Variants in CLASRP observed in about 807,000 individuals in gnomAD.
CLASRP encodes the protein CLK4-associating serine/arginine rich protein.
CLASRP carries 52 observed loss-of-function variants against 99.9 expected under a neutral mutation model. That is an observed-to-expected ratio of 0.52 (90% CI 0.42 to 0.66). CLASRP has a LOEUF of 0.66. Ranked by LOEUF, CLASRP falls within the 30% of genes least tolerant of loss-of-function variation. The probability of loss-of-function intolerance (pLI) is 0.00; values close to 1 mark genes in which losing one functional copy is unlikely to be tolerated. For missense variants in CLASRP, 848 were observed against 999.2 expected (o/e 0.85, Z 2.04); for synonymous variants, 379 against 373.0 (o/e 1.02, Z -0.18).
chr19:45,067,160 G>C lies in CLASRP; in HGVS notation c.1410-177G>C, dbSNP rs183924265. Among the ~76,000 whole-genome samples the C allele has an allele frequency of 6.6e-4, 100 of 152,332 alleles. 1 individual carries two copies. Among genetic ancestry groups the C allele is most frequent in the Admixed American group, 6.5e-3 (100 of 15,306 alleles). ...TATCTAGAGCGCCATCTCTGTAGCC[G>C]GAGGGAGGCCGGAATGCCGCTCTGG... On this transcript the variant is annotated intron_variant, in intron 13 of 20. Transcript: ENST00000221455. The surrounding 1 kb of genome is among the most constrained non-coding windows in gnomAD (Gnocchi z 4.9).
intron 18 of CLASRP, 139 bp from the exon 19 acceptor site, chr19:45,069,883 T>C: frequency 1.7e-6 from 1 of 601,562 alleles, no homozygotes; most frequent in South Asian, 2.0e-5. Context: ...TGGGGCTCCC[T>C]TTCCAAGCGG....
chr19:45,070,879 TGGG>T lies in CLASRP; in HGVS notation c.*35_*37del. 1 of 777,112 alleles carries T rather than the reference TGGG, an allele frequency of 1.3e-6. No homozygotes were observed. Among genetic ancestry groups the T allele is most frequent in the Non-Finnish European group, 2.1e-6 (1 of 476,070 alleles). 48.1% of individuals were successfully genotyped at this position (777,112 alleles called of 1,614,324 possible). A position where few individuals can be genotyped will look rare whatever the true frequency, so the allele number is the denominator to read the frequency against. On this transcript the variant is annotated 3_prime_UTR_variant, in exon 21 of 21. Coordinates refer to ENST00000221455, the MANE Select transcript of CLASRP (RefSeq NM_007056.3). ...GTGGGGGGTGGGGAGGACAAGGGGGTGGGTAAGGGGCTCAAGCTGTGATGCTGC... is the reference window on the plus strand; with the variant it reads ...GTGGGGGGTGGGGAGGACAAGGGGGTTAAGGGGCTCAAGCTGTGATGCTGC...
chr19:45,069,734 C>T (rs1967190083), intron 18 of CLASRP: 1 of 475,460 alleles, frequency 2.1e-6, no homozygotes, highest in Non-Finnish European at 3.8e-6. Context: ...TGACGGAGAC[C>T]ATTTCAACAC....
intron 4 of CLASRP, 53 bp from the exon 5 acceptor site, chr19:45,053,045 G>C (rs974836244): frequency 1.3e-6 from 2 of 1,580,570 alleles, no homozygotes; most frequent in South Asian, 2.2e-5. Context: ...CTGCTGGCTT[G>C]GGGGGGGATC....
chr19:45,056,413 C>T (rs1972120138), intron 5 of CLASRP, 37 bp from the exon 6 acceptor site: 1 of 1,597,120 alleles, frequency 6.3e-7, no homozygotes, highest in East Asian at 2.2e-5. Flanking sequence ...CTAGTGTCCC[C>T]AACCCACTCT....
rs1046468184 is a variant in CLASRP at position 45,070,539 on chromosome 19, C to T, written c.1960C>T (p.Arg654Ter). 6.2e-7 allele frequency: 1 copy of T among 1,613,850 alleles called. No homozygotes were observed. Among genetic ancestry groups the T allele is most frequent in the Non-Finnish European group, 8.5e-7 (1 of 1,179,778 alleles). ...QSRSPSPRYS[R>*]EYSSSRRRSR... The stretch of plus-strand genomic sequence containing the variant: ...TTCACCTGTTGTTTTCTTTCCAGGT[C>T]GAGAATACAGCTCTTCTCGAAGGTA... Residue 654 changes from arginine to a stop codon, truncating the protein, a stop_gained and splice_region_variant, in exon 20 of 21, where the codon CGA (arginine) becomes TGA (stop). Transcript: ENST00000221455. LOFTEE classifies it high-confidence loss of function.
rs1234438791 is a variant in CLASRP at position 45,064,384 on chromosome 19, G to C, written c.1163G>C (p.Arg388Thr). The change falls in exon 13 of 21, where the codon AGG (arginine) becomes ACG (threonine). Residue 388 changes from arginine to threonine, a missense_variant. Physicochemically the swap from Arg to Thr is moderately conservative, Grantham distance 71. Coordinates refer to ENST00000221455, the MANE Select transcript of CLASRP (RefSeq NM_007056.3). ...TCCTCCTCCTCCTCTTCTGCCTCGA[G>C]GACCTCCAGCTCCCGCTCCAGCTCT... Reference protein sequence around the residue: ...SSSSSSSSASRTSSSRSSSRS... With the variant: ...SSSSSSSSASTTSSSRSSSRS... The C allele has an allele frequency of 1.3e-6, 2 of 1,532,770 alleles. No individual in the cohort carries two copies. Among genetic ancestry groups the C allele is most frequent in the South Asian group, 2.4e-5 (2 of 83,888 alleles). The allele number at this position is 1,532,770 out of a possible 1,614,324, so 94.9% of individuals were successfully genotyped here. A position where few individuals can be genotyped will look rare whatever the true frequency, so the allele number is the denominator to read the frequency against.
At chr19:45,070,303 G>A (rs187346288) in intron 19 of CLASRP, among the ~76,000 whole-genome samples, 199 bp downstream of exon 19, 2,092 of 151,576 alleles carry the variant, frequency 0.014, 52 homozygotes, top group African/African-American at 0.047. Context: ...ACACACATAC[G>A]TACACACACA....
intron 10 of CLASRP, among the ~76,000 whole-genome samples, chr19:45,061,031 A>G (rs1237492220): frequency 6.6e-6 from 1 of 152,152 alleles, no homozygotes; most frequent in Non-Finnish European, 1.5e-5. Flanking sequence ...TCCTTTGGAA[A>G]ACAAGGCATT....
intron 2 of CLASRP, among the ~76,000 whole-genome samples, chr19:45,050,338 A>G (rs1044368723): frequency 6.6e-6 from 1 of 152,230 alleles, no homozygotes; most frequent in African/African-American, 2.4e-5. Flanking sequence ...AGTCAGAACC[A>G]CAAGATACCA....
intron 3 of CLASRP, 64 bp downstream of exon 3, chr19:45,052,232 G>C: frequency 7.2e-7 from 1 of 1,394,596 alleles, no homozygotes; most frequent in Non-Finnish European, 1.0e-6. Context: ...ACCTGGGGTG[G>C]TGTAGAGTGT....
At position 45,064,555 on chromosome 19, in the gene CLASRP, G is replaced by T. The variant is rs1967035817; in HGVS notation, c.1334G>T (p.Gly445Val). The part of the protein sequence containing the change: ...SRSRGRRHSG[G>V]GSRDGHRYSR... Reference sequence around the variant, plus strand: ...AGCCGTGGCCGGCGGCACTCAGGTGGGGGCTCCCGAGACGGACACCGGTAC... The same window carrying T: ...AGCCGTGGCCGGCGGCACTCAGGTGTGGGCTCCCGAGACGGACACCGGTAC... The change falls in exon 13 of 21, where the codon GGG becomes GTG. Residue 445 changes from glycine to valine, a missense_variant. Physicochemically the swap from Gly to Val is moderately radical, Grantham distance 109. Around this residue, in one of 8 missense-constraint regions of CLASRP, gnomAD observed 489 missense variants for 434.7 expected, o/e 1.12. Coordinates refer to ENST00000221455, the MANE Select transcript of CLASRP (RefSeq NM_007056.3). 1 of 1,539,234 alleles carries T rather than the reference G, an allele frequency of 6.5e-7. No individual in the cohort carries two copies.
chr19:45,050,228 A>C (rs1267412193), intron 2 of CLASRP, among the ~76,000 whole-genome samples: 2 of 151,860 alleles, frequency 1.3e-5, no homozygotes, highest in African/African-American at 4.8e-5. Flanking sequence ...GTGCGGCCCA[A>C]CATGTGTCAG....
intron 5 of CLASRP, among the ~76,000 whole-genome samples, chr19:45,053,855 A>C (rs932147873): frequency 6.6e-6 from 1 of 152,146 alleles, no homozygotes. Flanking sequence ...TCCTGGGCTC[A>C]AGTGATCCTC....
intron 6 of CLASRP, 88 bp from the exon 7 acceptor site, chr19:45,057,662 C>T (rs1201688780): frequency 1.4e-5 from 20 of 1,480,522 alleles, no homozygotes; most frequent in Non-Finnish European, 1.7e-5. Context: ...GGGAGGGGGC[C>T]GTGGCACTCG....
chr19:45,069,731 G>A, intron 18 of CLASRP: 1 of 474,290 alleles, frequency 2.1e-6, no homozygotes, highest in East Asian at 3.8e-5. Flanking sequence ...CTGTGACGGA[G>A]ACCATTTCAA....
intron 2 of CLASRP, chr19:45,047,700 C>T (rs1472855775): frequency 6.6e-6 from 1 of 152,174 alleles, no homozygotes; most frequent in African/African-American, 2.4e-5. Context: ...AGTTCTAAAG[C>T]TCTGTTGCAC....
At chr19:45,053,271 C>G in intron 5 of CLASRP, 94 bp downstream of exon 5, 7 of 1,261,914 alleles carry the variant, frequency 5.5e-6, no homozygotes, top group Non-Finnish European at 8.0e-6. Context: ...TATCCACATA[C>G]TTTCTACTAA....
At chr19:45,069,029 G>C (rs777817515) in intron 16 of CLASRP, 37 bp from the exon 17 acceptor site, 1 of 1,582,758 alleles carries the variant, frequency 6.3e-7, no homozygotes, top group South Asian at 1.1e-5. Flanking sequence ...GGGCTCTTAA[G>C]GGAACCCCTC....
Sources: gnomAD v4.1 joint callset for allele counts (sites outside exome capture counted in the v4.1 genomes callset) on GRCh38, gnomAD v4.1.1 for gene constraint, gnomAD v4.1.1 regional missense constraint, Gnocchi (gnomAD v3.1) non-coding constraint, MANE v1.5 for transcripts, NCBI Gene and HGNC (gene_info 2026-07-23, HGNC 2026-07-21) for gene names.